Variants in CD109 observed in about 807,000 individuals in gnomAD.
The protein encoded by CD109 is CD109 antigen.
CD109 carries 149 observed loss-of-function variants against 165.8 expected under a neutral mutation model. That is an observed-to-expected ratio of 0.90 (90% confidence interval 0.79 to 1.03). CD109 has a LOEUF of 1.03. CD109 is among the 50% of genes least tolerant of loss of function. The pLI, the probability that CD109 is intolerant of heterozygous loss-of-function variation, is 0.00. For missense variants in CD109, 1,712 were observed against 1,677.8 expected, an observed-to-expected ratio of 1.02 and a Z score of -0.36; for synonymous variants, 585 against 592.1, an observed-to-expected ratio of 0.99 and a Z score of 0.18.
chr6:73,766,223 C>T, intron 11 of CD109, 69 bp downstream of exon 11: 1 of 1,219,338 alleles, frequency 8.2e-7, no homozygotes, highest in South Asian at 1.3e-5. Context: ...GTGGTAGGCA[C>T]TCAACCTGTC....
intron 9 of CD109, among the ~76,000 whole-genome samples, chr6:73,763,228 A>G (rs866702617): frequency 6.6e-6 from 1 of 152,180 alleles, no homozygotes; most frequent in Admixed American, 6.5e-5. Flanking sequence ...GACAGTTTTC[A>G]CTTTTAATAA....
intron 3 of CD109, among the ~76,000 whole-genome samples, chr6:73,726,447 A>G (rs1349903294): frequency 6.6e-6 from 1 of 152,174 alleles, no homozygotes; most frequent in Non-Finnish European, 1.5e-5. Flanking sequence ...TTACTAATAT[A>G]TTTTTAATGG....
chr6:73,794,491 G>A (rs967351480), intron 23 of CD109, among the ~76,000 whole-genome samples: 1 of 152,184 alleles, frequency 6.6e-6, no homozygotes, highest in Non-Finnish European at 1.5e-5. Flanking sequence ...AATATGGGGT[G>A]TCAGATTAGA....
intron 2 of CD109, among the ~76,000 whole-genome samples, chr6:73,715,134 C>T (rs1033057088): frequency 3.3e-5 from 5 of 152,174 alleles, no homozygotes; most frequent in Admixed American, 6.5e-5. Context: ...ATGGTGCTTG[C>T]CTGTAGTCCC....
At chr6:73,762,606 CA>C in intron 8 of CD109, 126 bp downstream of exon 8, 1 of 962,174 alleles carries the variant, frequency 1.0e-6, no homozygotes, top group South Asian at 1.7e-5. Context: ...CAGCATTGAA[CA>C]AATGAGAATT....
At chr6:73,764,337 A>G (rs1449795414) in intron 10 of CD109, among the ~76,000 whole-genome samples, 1 of 152,166 alleles carries the variant, frequency 6.6e-6, no homozygotes, top group East Asian at 1.9e-4. Context: ...GAGAGTAAAT[A>G]TTTTCAGCTT....
At chr6:73,700,012 T>C (rs28494749) in intron 2 of CD109, among the ~76,000 whole-genome samples, 1 of 152,234 alleles carries the variant, frequency 6.6e-6, no homozygotes, top group African/African-American at 2.4e-5. Flanking sequence ...GGTCTGGATC[T>C]TCAAGTATCT....
intron 26 of CD109, among the ~76,000 whole-genome samples, chr6:73,809,530 A>G (rs760329407): frequency 1.3e-5 from 2 of 152,166 alleles, no homozygotes; most frequent in African/African-American, 2.4e-5. Flanking sequence ...TGGGAAAAGG[A>G]TGAAAATTTA....
At chr6:73,719,752 C>T (rs1335745866) in intron 2 of CD109, among the ~76,000 whole-genome samples, 6 of 152,196 alleles carry the variant, frequency 3.9e-5, no homozygotes, top group Admixed American at 3.3e-4. Flanking sequence ...TTCACAGGGT[C>T]TGCTTGCAGA....
intron 2 of CD109, among the ~76,000 whole-genome samples, chr6:73,709,579 A>G (rs1001646945): frequency 2.6e-5 from 4 of 152,148 alleles, no homozygotes; most frequent in Admixed American, 6.5e-5. Context: ...TGAATCTATA[A>G]ATTACCTTGG....
the CD109 span, among the ~76,000 whole-genome samples, chr6:73,687,050 T>C: frequency 0.015 from 2,270 of 152,348 alleles, 178 homozygotes; most frequent in Admixed American, 0.12. Flanking sequence ...CTGTATAAGA[T>C]ACAGAACATT....
At position 73,812,395 on chromosome 6, in the gene CD109, G is replaced by A. The variant is rs1775786808; in HGVS notation, c.3768+125G>A. 9.6e-6 allele frequency: 6 copies of A among 626,888 alleles called. No individual in the cohort carries two copies. In the East Asian group the frequency reaches 1.7e-4, roughly 18 times the overall value. 38.8% of individuals were successfully genotyped at this position (626,888 alleles called of 1,614,324 possible). A position where few individuals can be genotyped will look rare whatever the true frequency, so the allele number is the denominator to read the frequency against. On this transcript the variant is annotated intron_variant, in intron 29 of 32. Transcript: ENST00000287097. ...CTAATGATTTACATCTGTGACTTAA[G>A]CAAGATATATCACTGTCTTTAATAA...
intron 5 of CD109, among the ~76,000 whole-genome samples, chr6:73,753,410 A>C (rs909671324): frequency 2.0e-5 from 3 of 152,236 alleles, no homozygotes; most frequent in African/African-American, 4.8e-5. Context: ...CATTAAAATA[A>C]TTGAATTAAT....
intron 20 of CD109, 105 bp downstream of exon 20, chr6:73,785,582 CT>C: frequency 1.7e-6 from 1 of 591,530 alleles, no homozygotes; most frequent in Non-Finnish European, 2.9e-6. Context: ...ATTCTAAGCA[CT>C]TTATACATTT....
At chr6:73,799,328 C>T (rs980540266) in intron 23 of CD109, among the ~76,000 whole-genome samples, 12 of 152,214 alleles carry the variant, frequency 7.9e-5, no homozygotes, top group Non-Finnish European at 1.8e-4. Context: ...TATTTTGAGA[C>T]ATATATTCAA....
intron 32 of CD109, 57 bp downstream of exon 32, chr6:73,820,620 T>C (rs2044692136): frequency 1.9e-6 from 2 of 1,041,098 alleles, no homozygotes; most frequent in Admixed American, 4.3e-5. Context: ...ATTCATTCAT[T>C]TATTGGAAGT....
At chr6:73,817,312 A>T (rs1390636289) in intron 30 of CD109, among the ~76,000 whole-genome samples, 1 of 152,068 alleles carries the variant, frequency 6.6e-6, no homozygotes, top group Non-Finnish European at 1.5e-5. Context: ...GTTTAAGCAT[A>T]TTGACTGTTT....
intron 4 of CD109, among the ~76,000 whole-genome samples, chr6:73,731,323 G>A (rs1397733267): frequency 3.3e-5 from 5 of 152,334 alleles, no homozygotes; most frequent in South Asian, 2.1e-4. Context: ...GAGCCACTGC[G>A]CCCAGCATGT....
intron 7 of CD109, among the ~76,000 whole-genome samples, chr6:73,761,274 A>C (rs1773621411): frequency 6.6e-6 from 1 of 152,132 alleles, no homozygotes; most frequent in Non-Finnish European, 1.5e-5. Context: ...AAATCTTCTA[A>C]AGCTGCGAAG....
Sources: gnomAD v4.1 joint callset for allele counts (sites outside exome capture counted in the v4.1 genomes callset) on GRCh38, gnomAD v4.1.1 for gene constraint, MANE v1.5 for transcripts, NCBI Gene and HGNC (gene_info 2026-07-23, HGNC 2026-07-21) for gene names.